LCT: variants seen among roughly 807,000 people sequenced by gnomAD.
LCT encodes the protein lactase/phlorizin hydrolase.
In LCT, 90 loss-of-function variants were observed where a neutral mutation model predicts 173.0. The observed-to-expected ratio is 0.52, with a 90% confidence interval of 0.44 to 0.62. The LOEUF (loss-of-function observed/expected upper bound fraction) is 0.62. LCT is among the 20% of genes least tolerant of loss of function. LCT has a pLI of 0.00. For synonymous variants in LCT, 853 were observed against 957.6 expected, an observed-to-expected ratio of 0.89 and a Z score of 2.02; for missense variants, 1,864 against 2,431.4, an observed-to-expected ratio of 0.77 and a Z score of 4.91.
rs534607542 is a variant in LCT, at chr2:135,825,318, C to T, written c.805-1315G>A. On this transcript the variant is annotated intron_variant, in intron 3 of 16. Coordinates refer to ENST00000264162, the MANE Select transcript of LCT (RefSeq NM_002299.4). The stretch of plus-strand genomic sequence containing the variant: ...CTTTACAGATGGGGAGTCAGAAGCT[C>T]GAGAGGCCGAGCGGGTTGCCCATGA... 1.2e-4 allele frequency among the ~76,000 whole-genome samples: 19 copies of T among 152,266 alleles called. No homozygotes were observed. In the South Asian group the frequency reaches 3.7e-3, roughly 30 times the overall value.
At position 135,812,783 on chromosome 2, in the gene LCT, C is replaced by T; in HGVS notation, c.1881G>A (p.Met627Ile). 2.5e-6 allele frequency: 4 copies of T among 1,614,190 alleles called. No individual in the cohort carries two copies. The highest frequency in any genetic ancestry group is 3.4e-6 in the Non-Finnish European group (4 of 1,180,038). The change falls in exon 7 of 17, where the codon ATG (methionine) becomes ATA (isoleucine). Residue 627 changes from methionine (M) to isoleucine (I), a missense_variant. Around this residue, in one of 4 missense-constraint regions of LCT, gnomAD observed 755 missense variants for 926.3 expected, o/e 0.82. Coordinates refer to ENST00000264162, the MANE Select transcript of LCT (RefSeq NM_002299.4). ...AGACGGGGTGTGCAAACCAGCCCAG[C>T]ATGAAGTGCAAGAAGCGCTCAGAGG... ...LRASERFLHF[M>I]LGWFAHPVFV...
chr2:135,814,031 G>T (rs1024517149), intron 6 of LCT, among the ~76,000 whole-genome samples: 3 of 152,334 alleles, frequency 2.0e-5, no homozygotes, highest in African/African-American at 7.2e-5. Flanking sequence ...TTGGCAAGAA[G>T]TGGGTAATTA....
intron 13 of LCT, 64 bp from the exon 14 acceptor site, chr2:135,794,839 C>T: frequency 6.3e-7 from 1 of 1,598,786 alleles, no homozygotes; most frequent in Admixed American, 1.7e-5. Flanking sequence ...AAGAGAACGT[C>T]ATAGGGCTGG....
chr2:135,803,142 A>G (rs2077641446), intron 11 of LCT, among the ~76,000 whole-genome samples: 1 of 152,094 alleles, frequency 6.6e-6, no homozygotes, highest in African/African-American at 2.4e-5. Flanking sequence ...AAAAATAATG[A>G]TACAAAAGAA....
At chr2:135,791,944 A>G (rs184141569) in intron 14 of LCT, among the ~76,000 whole-genome samples, 233 of 152,386 alleles carry the variant, frequency 1.5e-3, no homozygotes, top group African/African-American at 5.3e-3. Context: ...GGAGACTCAC[A>G]TTGTTAACTG....
chr2:135,834,879 C>T (rs2077973272), intron 1 of LCT, among the ~76,000 whole-genome samples: 1 of 148,286 alleles, frequency 6.7e-6, no homozygotes, highest in African/African-American at 2.5e-5. Context: ...TGAAAATAAG[C>T]TGTTTTCAGC....
In LCT at chr2:135,790,607, A is replaced by G. The variant is rs2077525506; in HGVS notation, c.5335+51T>C. On this transcript the variant is annotated intron_variant, in intron 15 of 16. Transcript: ENST00000264162. The surrounding 1 kb of genome is among the most constrained non-coding windows in gnomAD (Gnocchi z 4.1). The stretch of plus-strand genomic sequence containing the variant: ...TGTATCACACTCCTGCAAATAGCAG[A>G]TGTTTCCAACAGGGGAAGGTGCACG... 8.6e-7 allele frequency: 1 copy of G among 1,168,768 alleles called. No homozygotes were observed. Among genetic ancestry groups the G allele is most frequent in the African/African-American group, 1.5e-5 (1 of 66,306 alleles). The allele number at this position is 1,168,768 out of a possible 1,614,324, so 72.4% of individuals were successfully genotyped here.
At chr2:135,800,507 G>A in intron 12 of LCT, 100 bp downstream of exon 12, 1 of 1,021,830 alleles carries the variant, frequency 9.8e-7, no homozygotes, top group Non-Finnish European at 1.5e-6. Flanking sequence ...TTATAGACAT[G>A]AGCCACCACA....
At chr2:135,792,558 A>G (rs917107723) in intron 14 of LCT, among the ~76,000 whole-genome samples, 6 of 152,188 alleles carry the variant, frequency 3.9e-5, no homozygotes, top group African/African-American at 1.4e-4. Context: ...GGCAGGGCAC[A>G]GCAGGAGTGA....
chr2:135,811,892 G>A (rs1275879956), intron 7 of LCT, among the ~76,000 whole-genome samples: 2 of 151,454 alleles, frequency 1.3e-5, no homozygotes, highest in Admixed American at 1.3e-4. Flanking sequence ...GACCAGCCTG[G>A]GCAATGTGAA....
intron 7 of LCT, among the ~76,000 whole-genome samples, chr2:135,811,658 G>A (rs1454966110): frequency 6.7e-6 from 1 of 148,450 alleles, no homozygotes; most frequent in Non-Finnish European, 1.5e-5. Context: ...CTATGAACAT[G>A]CCACTCTATT....
At chr2:135,800,306 C>T (rs928204746) in intron 12 of LCT, among the ~76,000 whole-genome samples, 7 of 152,142 alleles carry the variant, frequency 4.6e-5, no homozygotes, top group Non-Finnish European at 7.4e-5. Context: ...AATCATGGCT[C>T]ACTGCAACCT....
chr2:135,827,098 C>G (rs1450765338), intron 3 of LCT, among the ~76,000 whole-genome samples: 4 of 152,132 alleles, frequency 2.6e-5, no homozygotes, highest in Non-Finnish European at 5.9e-5. Context: ...TGTGCCTCAG[C>G]CTCCCAAGGA....
At chr2:135,802,326 T>C (rs1191286689) in intron 11 of LCT, among the ~76,000 whole-genome samples, 1 of 152,148 alleles carries the variant, frequency 6.6e-6, no homozygotes, top group Non-Finnish European at 1.5e-5. Flanking sequence ...AATTTCTTAT[T>C]CAAAACCCTA....
Position 135,790,006 on chromosome 2 carries a change from C to T in LCT, c.5336-208G>A, listed in dbSNP as rs1249067503. Among the ~76,000 whole-genome samples, 1 of 152,152 alleles carries T rather than the reference C, an allele frequency of 6.6e-6. No individual in the cohort carries two copies. The highest frequency in any genetic ancestry group is 1.9e-4 in the East Asian group (1 of 5,196). On this transcript the variant is annotated intron_variant, in intron 15 of 16. Coordinates refer to ENST00000264162, the MANE Select transcript of LCT (RefSeq NM_002299.4). The surrounding 1 kb of genome is among the most constrained non-coding windows in gnomAD (Gnocchi z 4.1). ...CTCTGTGGATGGAGATGTAGAGCCA[C>T]CAGCATCTTTAGAAAGGCTCAGCCC...
intron 1 of LCT, among the ~76,000 whole-genome samples, chr2:135,833,635 A>G (rs1486921473): frequency 2.0e-5 from 3 of 149,996 alleles, no homozygotes; most frequent in Non-Finnish European, 2.9e-5. Context: ...TTTGGTAGAG[A>G]CGGAGTTGCA....
chr2:135,833,477 C>T (rs796611288), intron 1 of LCT, among the ~76,000 whole-genome samples: 9 of 137,776 alleles, frequency 6.5e-5, no homozygotes, highest in Admixed American at 1.5e-4. Context: ...GACGGAGTCT[C>T]GCTCCGTCGC....
chr2:135,789,505 C>G (rs944317045), intron 16 of LCT, 66 bp downstream of exon 16: 4 of 1,116,442 alleles, frequency 3.6e-6, no homozygotes, highest in Non-Finnish European at 5.5e-6. Context: ...AGAAAACAGA[C>G]TGAGAGAGGC....
intron 5 of LCT, among the ~76,000 whole-genome samples, chr2:135,821,319 A>G (rs73957032): frequency 0.016 from 2,363 of 152,302 alleles, 66 homozygotes; most frequent in African/African-American, 0.054. Context: ...GGCTTGCAGC[A>G]ACAGCTGGCT....
Sources: gnomAD v4.1 joint callset for allele counts (sites outside exome capture counted in the v4.1 genomes callset) on GRCh38, gnomAD v4.1.1 for gene constraint, gnomAD v4.1.1 regional missense constraint, Gnocchi (gnomAD v3.1) non-coding constraint, MANE v1.5 for transcripts, NCBI Gene and HGNC (gene_info 2026-07-23, HGNC 2026-07-21) for gene names.